The following APP variants were observed in gnomAD, a reference collection of about 807,000 sequenced individuals.
APP encodes the protein amyloid-beta precursor protein.
A neutral mutation model predicts 101.4 loss-of-function variants in APP; 31 were observed. The ratio of observed to expected loss-of-function variants is 0.31; its 90% CI spans 0.23 to 0.41. APP has a LOEUF of 0.41. Ranked by LOEUF, APP falls within the 10% of genes least tolerant of loss-of-function variation. The pLI, the probability that APP is intolerant of heterozygous loss-of-function variation, is 1.00. For synonymous variants in APP, 366 were observed against 364.4 expected (o/e 1.00, Z -0.05); for missense variants, 839 against 1,003.7 (o/e 0.84, Z 2.22).
intron 2 of APP, among the ~76,000 whole-genome samples, chr21:26,093,123 TA>T (rs1468862927): frequency 6.6e-6 from 1 of 152,222 alleles, no homozygotes; most frequent in Admixed American, 6.5e-5. Flanking sequence ...GAAAATGCTC[TA>T]AAAATGCCAC....
At chr21:25,981,720 T>G (rs1266448606) in intron 9 of APP, among the ~76,000 whole-genome samples, 4 of 151,460 alleles carry the variant, frequency 2.6e-5, no homozygotes, top group Non-Finnish European at 4.4e-5. Flanking sequence ...GGTTTTTTTT[T>G]TTTTTTTTTT....
intron 1 of APP, among the ~76,000 whole-genome samples, chr21:26,127,285 C>G (rs2062704550): frequency 6.6e-6 from 1 of 151,954 alleles, no homozygotes; most frequent in South Asian, 2.1e-4. Flanking sequence ...GTTCCAAGAC[C>G]AAGCAAGCCA....
chr21:26,008,697 TA>T (rs2043646789), intron 6 of APP, among the ~76,000 whole-genome samples: 1 of 152,096 alleles, frequency 6.6e-6, no homozygotes, highest in Non-Finnish European at 1.5e-5. Flanking sequence ...TGACAGGAAA[TA>T]GGGGCACAAG....
chr21:25,900,219 C>G (rs1369535621), intron 15 of APP, among the ~76,000 whole-genome samples: 1 of 151,860 alleles, frequency 6.6e-6, no homozygotes, highest in East Asian at 1.9e-4. Context: ...CTTTAGAGCT[C>G]ACTCCTTTTC....
chr21:26,102,300 G>A (rs574224992), intron 2 of APP, among the ~76,000 whole-genome samples: 235 of 151,756 alleles, frequency 1.5e-3, no homozygotes, highest in African/African-American at 5.2e-3. Context: ...CGTGTTAGCC[G>A]GGATGGTCTC....
rs572577537 is a variant in APP, at chr21:25,905,775, C to T, written c.1910-698G>A. ...TTTCCCTTTTTATGTGTTCTGGGTC[C>T]GACCCAAAGAAAGCAGTGTGGACAG... On this transcript the variant is annotated intron_variant, in intron 14 of 17. Transcript: ENST00000346798. 3.3e-5 allele frequency among the ~76,000 whole-genome samples: 5 copies of T among 152,190 alleles called. 1 individual carries two copies. Among genetic ancestry groups the T allele is most frequent in the South Asian group, 4.2e-4 (2 of 4,818 alleles).
chr21:26,086,789 T>G (rs915364109), intron 3 of APP, among the ~76,000 whole-genome samples: 1 of 152,230 alleles, frequency 6.6e-6, no homozygotes, highest in South Asian at 2.1e-4. Context: ...GTTTCTTTTT[T>G]AGTGCTATTG....
Position 26,170,614 on chromosome 21 carries a change from G to A in APP, c.7C>T (p.Pro3Ser). ML[P>S]GLALLLLAAW... is the part of the protein sequence containing the mutation. ...GCCAGCAGGAGCAGTGCCAAACCGG[G>A]CAGCATCGCGACCCTGCGCGGGGCA... The change falls in exon 1 of 18, where the codon CCC becomes TCC. Residue 3 changes from proline (P) to serine (S), a missense_variant. By Grantham distance (74) the Pro-to-Ser change is moderately conservative (BLOSUM62 -1). Transcript: ENST00000346798. 1 of 1,536,680 alleles carries A rather than the reference G, an allele frequency of 6.5e-7. No homozygotes were observed.
chr21:26,002,217 C>T (rs139842186), intron 6 of APP, among the ~76,000 whole-genome samples: 1 of 152,334 alleles, frequency 6.6e-6, no homozygotes, highest in East Asian at 1.9e-4. Context: ...GCGCATTTCT[C>T]CTGCGGAGTG....
intron 3 of APP, among the ~76,000 whole-genome samples, chr21:26,079,597 C>T (rs887070998): frequency 2.0e-5 from 3 of 152,144 alleles, no homozygotes; most frequent in South Asian, 2.1e-4. Context: ...TTAAATCTGA[C>T]GGCATTTTTA....
intron 1 of APP, among the ~76,000 whole-genome samples, chr21:26,145,741 C>T (rs1246348060): frequency 6.6e-6 from 1 of 152,152 alleles, no homozygotes; most frequent in Non-Finnish European, 1.5e-5. Context: ...GAATCTGCTA[C>T]TGACATAATA....
intron 3 of APP, among the ~76,000 whole-genome samples, chr21:26,063,243 A>G (rs547100056): frequency 2.6e-5 from 4 of 152,340 alleles, no homozygotes; most frequent in African/African-American, 7.2e-5. Context: ...TATAGACTAG[A>G]TATTATAGCT....
chr21:25,967,642 A>G (rs1387260105), intron 11 of APP, among the ~76,000 whole-genome samples: 1 of 152,222 alleles, frequency 6.6e-6, no homozygotes, highest in Non-Finnish European at 1.5e-5. Flanking sequence ...GATCACATTA[A>G]GTCTAATTTC....
At chr21:25,989,575 T>C (rs1421759649) in intron 8 of APP, among the ~76,000 whole-genome samples, 2 of 152,206 alleles carry the variant, frequency 1.3e-5, no homozygotes, top group Non-Finnish European at 2.9e-5. Flanking sequence ...AAACCAAGGC[T>C]TATGAATGGC....
chr21:26,019,666 TG>T (rs11295669), intron 6 of APP, among the ~76,000 whole-genome samples: 152,353 of 152,356 alleles, frequency 1, 76,175 homozygotes, highest in Middle Eastern at 1. Context: ...TCAAGTAAAA[TG>T]GGACACTAAA....
chr21:25,910,666 T>C (rs2039026179), intron 14 of APP, among the ~76,000 whole-genome samples: 1 of 152,222 alleles, frequency 6.6e-6, no homozygotes, highest in African/African-American at 2.4e-5. Flanking sequence ...TGCCATCTAC[T>C]GCTCAAATTT....
At chr21:25,980,738 TTA>T (rs2042400978) in intron 9 of APP, among the ~76,000 whole-genome samples, 4 of 152,198 alleles carry the variant, frequency 2.6e-5, no homozygotes, top group Admixed American at 2.6e-4. Flanking sequence ...ACTATTAGTT[TTA>T]TGTTTTCAAG....
intron 11 of APP, among the ~76,000 whole-genome samples, chr21:25,973,532 C>T (rs540176071): frequency 2.6e-5 from 4 of 152,264 alleles, no homozygotes; most frequent in Admixed American, 1.3e-4. Context: ...AACATTTACA[C>T]GCCTAAAAAC....
At chr21:26,165,266 A>G (rs2830104) in intron 1 of APP, among the ~76,000 whole-genome samples, 16,118 of 152,288 alleles carry the variant, frequency 0.11, 1,165 homozygotes, top group South Asian at 0.17. Context: ...ATCACCATAC[A>G]TAGCAGCAAC....
Sources: allele counts gnomAD v4.1 joint callset (sites outside exome capture counted in the v4.1 genomes callset), GRCh38; gene constraint gnomAD v4.1.1; transcripts MANE v1.5; gene names NCBI Gene and HGNC (gene_info 2026-07-23, HGNC 2026-07-21).